MYLK4: variants seen among roughly 807,000 people sequenced by gnomAD.
MYLK4 encodes myosin light chain kinase family member 4.
MYLK4 carries 46 observed loss-of-function variants against 48.1 expected under a neutral mutation model. The observed-to-expected ratio is 0.96, with a 90% CI of 0.75 to 1.22. The LOEUF is 1.22. MYLK4 is among the 50% of genes most tolerant of loss of function. The pLI, the probability that MYLK4 is intolerant of heterozygous loss-of-function variation, is 0.00. For synonymous variants in MYLK4, 170 were observed against 180.8 expected (o/e 0.94, Z 0.48); for missense variants, 451 against 486.1 (o/e 0.93, Z 0.68).
chr6:2,767,536 G>C, the MYLK4 span, among the ~76,000 whole-genome samples: 2 of 152,190 alleles, frequency 1.3e-5, no homozygotes, highest in African/African-American at 2.4e-5. Flanking sequence ...CTTCCCTTTG[G>C]CCAGGAATAA....
chr6:2,736,253 C>T (rs2113342167), intron 2 of MYLK4, among the ~76,000 whole-genome samples: 1 of 152,356 alleles, frequency 6.6e-6, no homozygotes, highest in South Asian at 2.1e-4. Flanking sequence ...GTTATTATTG[C>T]TGTTGCTGTT....
upstream of MYLK4, among the ~76,000 whole-genome samples, chr6:2,754,315 G>T (rs541521751): frequency 1.3e-5 from 2 of 152,070 alleles, no homozygotes; most frequent in South Asian, 2.1e-4. Context: ...AGATAATGTG[G>T]TATACACATA....
At chr6:2,710,244 C>T (rs549564045) in intron 2 of MYLK4, among the ~76,000 whole-genome samples, 5 of 152,282 alleles carry the variant, frequency 3.3e-5, no homozygotes, top group African/African-American at 1.2e-4. Context: ...GATCCCCCAA[C>T]ATTGGTATTA....
chr6:2,762,501 C>T, the MYLK4 span, among the ~76,000 whole-genome samples: 1 of 152,064 alleles, frequency 6.6e-6, no homozygotes, highest in African/African-American at 2.4e-5. Context: ...ATCATGTGGC[C>T]ACGTTATCTC....
At chr6:2,735,973 T>C (rs531855907) in intron 2 of MYLK4, among the ~76,000 whole-genome samples, 1 of 152,136 alleles carries the variant, frequency 6.6e-6, no homozygotes, top group Non-Finnish European at 1.5e-5. Flanking sequence ...TCAGAAAAGC[T>C]AAATGACTGA....
rs117970756 is a variant in MYLK4, at chr6:2,736,221, G to A, written c.159+12915C>T. 6.4e-3 allele frequency among the ~76,000 whole-genome samples: 972 copies of A among 152,294 alleles called. 8 individuals are homozygous for A. Among genetic ancestry groups the A allele is most frequent in the East Asian group, 0.038 (197 of 5,188 alleles). ...AGTTAACATTTATTACATGCTTCCC[G>A]TGTGCTTGCTTTAAAATATTTGTTA... is the stretch of plus-strand genomic sequence containing the variant. On this transcript the variant is annotated intron_variant, in intron 2 of 12. Transcript: ENST00000274643.
intron 2 of MYLK4, among the ~76,000 whole-genome samples, chr6:2,724,539 G>A (rs892561357): frequency 3.3e-5 from 5 of 152,258 alleles, no homozygotes; most frequent in South Asian, 2.1e-4. Context: ...ATGAAGGGAA[G>A]GATAAAGCTT....
chr6:2,690,827 T>C (rs975015501), intron 3 of MYLK4, among the ~76,000 whole-genome samples: 7 of 134,656 alleles, frequency 5.2e-5, no homozygotes, highest in Non-Finnish European at 1.1e-4. Flanking sequence ...CTGAATCTTT[T>C]TTTTTTTTTT....
At chr6:2,668,545 C>T (rs1004758117) in intron 12 of MYLK4, among the ~76,000 whole-genome samples, 7 of 152,134 alleles carry the variant, frequency 4.6e-5, no homozygotes, top group Non-Finnish European at 7.3e-5. Flanking sequence ...CCTTATTTAT[C>T]GGCCTGGAAC....
At chr6:2,718,355 C>T (rs975878168) in intron 2 of MYLK4, among the ~76,000 whole-genome samples, 1 of 152,160 alleles carries the variant, frequency 6.6e-6, no homozygotes, top group Non-Finnish European at 1.5e-5. Flanking sequence ...AGCCAATATC[C>T]TTCTCCCTTC....
chr6:2,709,628 A>T (rs1020751677), intron 2 of MYLK4, among the ~76,000 whole-genome samples: 1 of 152,244 alleles, frequency 6.6e-6, no homozygotes, highest in African/African-American at 2.4e-5. Flanking sequence ...AGTGTTCTGC[A>T]TGTTTTTCTT....
At chr6:2,728,392 A>G (rs188327087) in intron 2 of MYLK4, among the ~76,000 whole-genome samples, 8 of 151,418 alleles carry the variant, frequency 5.3e-5, no homozygotes, top group African/African-American at 1.9e-4. Flanking sequence ...CTCATCATGT[A>G]TTGTCTGAAG....
At chr6:2,727,504 T>C (rs1763319703) in intron 2 of MYLK4, among the ~76,000 whole-genome samples, 1 of 152,140 alleles carries the variant, frequency 6.6e-6, no homozygotes, top group African/African-American at 2.4e-5. Context: ...CAGCCGCTCT[T>C]CATAGAAAAT....
Position 2,675,137 on chromosome 6 carries a change from T to C in MYLK4, c.1041-12A>G. ...CACTTATTCGCCAACTAGAAGGAAA[T>C]TCAGAAGGTGATTAGTAGAAACACA... On this transcript the variant is annotated splice_polypyrimidine_tract_variant and intron_variant, in intron 10 of 12. Transcript: ENST00000274643. The C allele has an allele frequency of 6.2e-7, 1 of 1,606,478 alleles. No homozygotes were observed. The highest frequency in any genetic ancestry group is 8.5e-7 in the Non-Finnish European group (1 of 1,173,232).
rs1380704748 is a variant in MYLK4 at position 2,736,197 on chromosome 6, G to GTTAACATTTATTA, written c.159+12926_159+12938dup. On this transcript the variant is annotated intron_variant, in intron 2 of 12. Transcript: ENST00000274643. ...AATAATAATACTGTTACAGATATAA[G>GTTAACATTTATTA]TTAACATTTATTACATGCTTCCCGT... Among the ~76,000 whole-genome samples, 4 of 152,332 alleles carry GTTAACATTTATTA rather than the reference G, an allele frequency of 2.6e-5. No homozygotes were observed. The East Asian group carries it at 5.8e-4, about 22-fold the overall frequency.
the MYLK4 span, among the ~76,000 whole-genome samples, chr6:2,767,627 C>T: frequency 6.6e-6 from 1 of 152,266 alleles, no homozygotes; most frequent in South Asian, 2.1e-4. Context: ...AGTTGTTAAC[C>T]CCATTTAAGG....
upstream of MYLK4, among the ~76,000 whole-genome samples, chr6:2,755,670 C>G (rs933711344): frequency 8.5e-5 from 13 of 152,166 alleles, no homozygotes; most frequent in Non-Finnish European, 2.9e-5. Flanking sequence ...CTCCAAGTAG[C>G]TGGGACTATT....
intron 2 of MYLK4, among the ~76,000 whole-genome samples, chr6:2,710,326 G>T (rs1226477074): frequency 6.6e-6 from 1 of 152,138 alleles, no homozygotes; most frequent in Non-Finnish European, 1.5e-5. Flanking sequence ...GATGTTCATA[G>T]TGTCTTATTA....
intron 2 of MYLK4, among the ~76,000 whole-genome samples, chr6:2,729,858 C>T (rs1332109776): frequency 6.6e-6 from 1 of 152,158 alleles, no homozygotes; most frequent in East Asian, 1.9e-4. Context: ...AGAAGGGTGG[C>T]TGGAGCAATC....
Sources: allele counts gnomAD v4.1 joint callset (sites outside exome capture counted in the v4.1 genomes callset), GRCh38; gene constraint gnomAD v4.1.1; transcripts MANE v1.5; gene names NCBI Gene and HGNC (gene_info 2026-07-23, HGNC 2026-07-21).